The following FAAH2 variants were observed in gnomAD, a reference collection of about 807,000 sequenced individuals.
FAAH2 encodes fatty-acid amide hydrolase 2.
A neutral mutation model predicts 36.9 loss-of-function variants in FAAH2; 60 were observed. That is an observed-to-expected ratio of 1.63 (90% confidence interval 1.32 to 2.02). The LOEUF is 2.02. FAAH2 is among the 30% of genes most tolerant of loss of function. The pLI is 0.00. For missense variants in FAAH2, 689 were observed against 397.5 expected (o/e 1.73, Z -6.23); for synonymous variants, 214 against 143.8 (o/e 1.49, Z -3.49).
At chrX:57,376,379 T>A (rs1204832362) in intron 5 of FAAH2, among the ~76,000 whole-genome samples, 1 of 111,050 alleles carries the variant, frequency 9.0e-6, no homozygotes, top group Non-Finnish European at 1.9e-5. Context: ...ATGCTATCCC[T>A]CCCCTAGCCC....
At chrX:57,308,784 A>C (rs1260271912) in intron 2 of FAAH2, among the ~76,000 whole-genome samples, 2 of 111,560 alleles carry the variant, frequency 1.8e-5, no homozygotes, top group African/African-American at 3.3e-5. Context: ...AACTTCCAAC[A>C]GTTCTTTATA....
At chrX:57,129,774 A>G in the FAAH2 span, among the ~76,000 whole-genome samples, 1 of 111,893 alleles carries the variant, frequency 8.9e-6, no homozygotes, top group Non-Finnish European at 1.9e-5. Context: ...CTTTTATTTA[A>G]TTTTCAAAGC....
chrX:57,264,136 A>T, the FAAH2 span, among the ~76,000 whole-genome samples: 2 of 112,188 alleles, frequency 1.8e-5, no homozygotes, highest in African/African-American at 6.5e-5. Flanking sequence ...ATAGGAGAAA[A>T]TTTTTAGAAT....
At position 57,432,008 on chromosome X, in the gene FAAH2, A is replaced by G. The variant is rs765293606; in HGVS notation, c.1087A>G (p.Met363Val). The change falls in exon 8 of 11, where the codon ATG becomes GTG. Residue 363 changes from methionine to valine, a missense_variant. Met to Val is a conservative substitution (Grantham distance 21). Coordinates refer to ENST00000374900, the MANE Select transcript of FAAH2 (RefSeq NM_174912.4). ...MKYSFQLWIAMMSAKGHDGKE... is the reference protein window; with the variant it reads ...MKYSFQLWIAVMSAKGHDGKE... ...GTACTCTTTTCAGTTGTGGATCGCA[A>G]TGATGTCAGCAAAGGGACATGATGG... 8.3e-7 allele frequency: 1 copy of G among 1,206,583 alleles called. No homozygotes were observed. Among genetic ancestry groups the G allele is most frequent in the South Asian group, 1.8e-5 (1 of 56,277 alleles).
chrX:57,356,372 G>T (rs1253962878), intron 5 of FAAH2, among the ~76,000 whole-genome samples: 3 of 110,575 alleles, frequency 2.7e-5, no homozygotes, highest in Non-Finnish European at 5.7e-5. Flanking sequence ...TTCTGTGAAG[G>T]TATCTGTTCC....
chrX:57,372,285 T>G (rs186568971), intron 5 of FAAH2, among the ~76,000 whole-genome samples: 23 of 111,577 alleles, frequency 2.1e-4, no homozygotes, highest in African/African-American at 7.5e-4. Context: ...GCATTCTCTT[T>G]TCTCTGCAGT....
the FAAH2 span, among the ~76,000 whole-genome samples, chrX:57,127,468 G>A: frequency 9.0e-5 from 10 of 111,277 alleles, no homozygotes; most frequent in Non-Finnish European, 1.3e-4. Context: ...GTAGGCTTCC[G>A]GACTCCAGTC....
chrX:57,244,156 A>T, the FAAH2 span, among the ~76,000 whole-genome samples: 2 of 108,509 alleles, frequency 1.8e-5, no homozygotes, highest in Non-Finnish European at 3.8e-5. Context: ...GAGGTTGAAG[A>T]TCATCATAAT....
At chrX:57,363,455 G>A (rs2054334067) in intron 5 of FAAH2, among the ~76,000 whole-genome samples, 1 of 111,469 alleles carries the variant, frequency 9.0e-6, no homozygotes. Context: ...TCAATTCTAG[G>A]AGTCTTTTGG....
At chrX:57,435,613 A>C (rs2056394731) in intron 8 of FAAH2, among the ~76,000 whole-genome samples, 1 of 110,897 alleles carries the variant, frequency 9.0e-6, no homozygotes, top group Admixed American at 9.7e-5. Flanking sequence ...TCATTGTATA[A>C]TGATAAAAGG....
intron 7 of FAAH2, among the ~76,000 whole-genome samples, chrX:57,382,959 A>G (rs928038277): frequency 3.6e-5 from 4 of 111,520 alleles, no homozygotes; most frequent in African/African-American, 1.3e-4. Flanking sequence ...CAAGCAACAC[A>G]TCAAAAAGCT....
At chrX:57,414,314 T>C (rs1423913296) in intron 7 of FAAH2, among the ~76,000 whole-genome samples, 1 of 112,150 alleles carries the variant, frequency 8.9e-6, no homozygotes, top group Non-Finnish European at 1.9e-5. Flanking sequence ...GCTTCCAGCT[T>C]TTGCTTTTGC....
chrX:57,280,610 T>C, the FAAH2 span, among the ~76,000 whole-genome samples: 1 of 103,870 alleles, frequency 9.6e-6, no homozygotes, highest in Non-Finnish European at 2.0e-5. Context: ...GCTGGTGGCA[T>C]AAAATGGCAT....
the FAAH2 span, among the ~76,000 whole-genome samples, chrX:57,265,351 T>TGCAATGG: frequency 1.8e-5 from 2 of 111,747 alleles, no homozygotes; most frequent in Admixed American, 9.5e-5. Context: ...TGAACCCCAC[T>TGCAATGG]TCCGTTGCAC....
the FAAH2 span, among the ~76,000 whole-genome samples, chrX:57,231,341 G>C: frequency 0.45 from 49,228 of 109,321 alleles, 11,190 homozygotes; most frequent in African/African-American, 0.88. Flanking sequence ...TTCCTCTCAC[G>C]CATTACTTTA....
At chrX:57,344,922 C>T (rs775403043) in intron 5 of FAAH2, among the ~76,000 whole-genome samples, 1 of 110,595 alleles carries the variant, frequency 9.0e-6, no homozygotes, top group South Asian at 3.9e-4. Flanking sequence ...AACATTGCAT[C>T]CCAGGAGTAA....
At chrX:57,180,609 T>C in the FAAH2 span, among the ~76,000 whole-genome samples, 13,489 of 110,189 alleles carry the variant, frequency 0.12, 1,975 homozygotes, top group African/African-American at 0.41. Flanking sequence ...AGCTCCAAAA[T>C]TGAATCAGTA....
the FAAH2 span, chrX:57,228,905 C>T: frequency 9.1e-6 from 1 of 110,456 alleles, no homozygotes; most frequent in Non-Finnish European, 1.9e-5. Context: ...AGCTGTGGAA[C>T]CTAAAGCAAA....
In FAAH2 at chrX:57,364,443, C is replaced by CTTT. The variant is rs1225398163; in HGVS notation, c.743-14192_743-14190dup. 1.1e-4 allele frequency among the ~76,000 whole-genome samples: 8 copies of CTTT among 73,311 alleles called. 1 individual carries two copies. The highest frequency in any genetic ancestry group is 4.5e-4 in the Admixed American group (3 of 6,660). The allele number at this position is 73,311 out of a possible 115,157, so 63.7% of individuals were successfully genotyped here. On this transcript the variant is annotated intron_variant, in intron 5 of 10. Coordinates refer to ENST00000374900, the MANE Select transcript of FAAH2 (RefSeq NM_174912.4). ...TGCTTGTGCTTATTTGGATCTTCTC[C>CTTT]TTTTTTTTTTTTTTTTTTGCTAATA...
Sources: allele counts gnomAD v4.1 joint callset (sites outside exome capture counted in the v4.1 genomes callset), GRCh38; gene constraint gnomAD v4.1.1; transcripts MANE v1.5; gene names NCBI Gene and HGNC (gene_info 2026-07-23, HGNC 2026-07-21).